Variants in TUBAL3 observed in about 807,000 individuals in gnomAD.
TUBAL3 encodes the protein tubulin alpha chain-like 3.
In TUBAL3, 16 loss-of-function variants were observed where a neutral mutation model predicts 15.5. The ratio of observed to expected loss-of-function variants is 1.04; its 90% confidence interval spans 0.70 to 1.57. TUBAL3 has a LOEUF of 1.57. Among genes scored for constraint, TUBAL3 ranks in the 40% most tolerant of loss-of-function variants. The probability of loss-of-function intolerance (pLI) is 0.00; values close to 1 mark genes in which losing one functional copy is unlikely to be tolerated. For missense variants in TUBAL3, 609 were observed against 576.2 expected (o/e 1.06, Z -0.58); for synonymous variants, 238 against 224.3 (o/e 1.06, Z -0.55).
At chr10:5,400,522 C>A (rs1201504065) in intron 2 of TUBAL3, among the ~76,000 whole-genome samples, 2 of 152,160 alleles carry the variant, frequency 1.3e-5, no homozygotes, top group African/African-American at 4.8e-5. Context: ...ATCCCAGCTA[C>A]TCAGAGGCTG....
intron 2 of TUBAL3, among the ~76,000 whole-genome samples, chr10:5,398,112 C>A (rs1831791211): frequency 1.3e-5 from 2 of 151,982 alleles, no homozygotes; most frequent in East Asian, 1.9e-4. Flanking sequence ...TATAGTGAGA[C>A]CCTATCTCTA....
chr10:5,398,432 A>C lies in TUBAL3; in HGVS notation c.247+2412T>G, dbSNP rs1275466702. Among the ~76,000 whole-genome samples, 23 of 150,126 alleles carry C rather than the reference A, an allele frequency of 1.5e-4. 1 individual carries two copies. The highest frequency in any genetic ancestry group is 1.3e-3 in the South Asian group (6 of 4,796). On this transcript the variant is annotated intron_variant, in intron 2 of 3. Transcript: ENST00000380419. ...CAAAACTCTGTCTCAAAAAAAAAAAAAAAAAAAAAAAAAAAACTTATCCAC... is the reference window on the plus strand; with the variant it reads ...CAAAACTCTGTCTCAAAAAAAAAAACAAAAAAAAAAAAAAAACTTATCCAC...
intron 2 of TUBAL3, among the ~76,000 whole-genome samples, chr10:5,399,125 C>T (rs1203705102): frequency 1.3e-5 from 2 of 152,064 alleles, no homozygotes; most frequent in African/African-American, 4.8e-5. Context: ...CCTTGACTTC[C>T]CCAAGATTTA....
At chr10:5,400,435 C>A (rs1831832520) in intron 2 of TUBAL3, among the ~76,000 whole-genome samples, 1 of 152,060 alleles carries the variant, frequency 6.6e-6, no homozygotes, top group Non-Finnish European at 1.5e-5. Flanking sequence ...AGTTCAAGAC[C>A]AGTCTGGCCA....
chr10:5,401,140 ATCTGTT>A, intron 1 of TUBAL3, 53 bp from the exon 2 acceptor site: 1 of 1,599,600 alleles, frequency 6.3e-7, no homozygotes. Flanking sequence ...AAAACAGGAG[ATCTGTT>A]ACTCAGCCCT....
At chr10:5,398,736 A>C (rs1554814385) in intron 2 of TUBAL3, among the ~76,000 whole-genome samples, 3 of 141,320 alleles carry the variant, frequency 2.1e-5, no homozygotes, top group Non-Finnish European at 4.6e-5. Flanking sequence ...AAACGTTCTT[A>C]AAACATTATG....
Position 5,393,651 on chromosome 10 carries a change from C to A in TUBAL3, c.1207G>T (p.Asp403Tyr). 6.2e-7 allele frequency: 1 copy of A among 1,614,210 alleles called. No individual in the cohort carries two copies. Among genetic ancestry groups the A allele is most frequent in the Non-Finnish European group, 8.5e-7 (1 of 1,180,044 alleles). Reference sequence around the variant, plus strand: ...AATGCTCTCTTGGCGTACATGAGGTCAAACTTGTGGTCCAGGCGGGCCCAG... The same window carrying A: ...AATGCTCTCTTGGCGTACATGAGGTAAAACTTGTGGTCCAGGCGGGCCCAG... ...EAWARLDHKF[D>Y]LMYAKRAFLH... The change falls in exon 4 of 4, where the codon GAC (aspartate) becomes TAC (tyrosine). Residue 403 changes from aspartate (D) to tyrosine (Y), a missense_variant. Asp to Tyr is a radical substitution (Grantham distance 160, BLOSUM62 -3). Coordinates refer to ENST00000380419, the MANE Select transcript of TUBAL3 (RefSeq NM_024803.3).
Position 5,396,011 on chromosome 10 carries a change from G to A in TUBAL3, c.248-536C>T, listed in dbSNP as rs782322208. Reference sequence around the variant, plus strand: ...AAGGACACAATTCTTTAGCATTAGGGCCCACCCTAATCCAGGAGGACCTCA... The same window carrying A: ...AAGGACACAATTCTTTAGCATTAGGACCCACCCTAATCCAGGAGGACCTCA... On this transcript the variant is annotated intron_variant, in intron 2 of 3. Coordinates refer to ENST00000380419, the MANE Select transcript of TUBAL3 (RefSeq NM_024803.3). The surrounding 1 kb of genome is among the most constrained non-coding windows in gnomAD (Gnocchi z 5.1). Among the ~76,000 whole-genome samples the A allele has an allele frequency of 1.0e-3, 157 of 152,186 alleles. 1 individual carries two copies. Among genetic ancestry groups the A allele is most frequent in the Middle Eastern group, 3.4e-3 (1 of 294 alleles).
chr10:5,404,539 A>C (rs1281574212), intron 1 of TUBAL3, among the ~76,000 whole-genome samples: 1 of 152,234 alleles, frequency 6.6e-6, no homozygotes, highest in Non-Finnish European at 1.5e-5. Context: ...TCAGTGCTTC[A>C]ATTAATGGCA....
At chr10:5,404,709 A>G in intron 1 of TUBAL3, 81 bp downstream of exon 1, 1 of 1,392,522 alleles carries the variant, frequency 7.2e-7, no homozygotes, top group Non-Finnish European at 1.0e-6. Context: ...CAATTTTATT[A>G]AGAATTGTTT....
At chr10:5,398,786 T>A (rs1371341298) in intron 2 of TUBAL3, among the ~76,000 whole-genome samples, 1 of 152,194 alleles carries the variant, frequency 6.6e-6, no homozygotes, top group African/African-American at 2.4e-5. Flanking sequence ...CATCAGCTGT[T>A]GTTAGTGTGA....
In TUBAL3 at chr10:5,395,386, C is replaced by T. The variant is rs1831747802; in HGVS notation, c.337G>A (p.Gly113Ser). ...ACCTCCGACCCCACAGAGTAACGGCCTCGCGCGTAATTGTTAGCAGCATCC... is the reference window on the plus strand; with the variant it reads ...ACCTCCGACCCCACAGAGTAACGGCTTCGCGCGTAATTGTTAGCAGCATCC... ...KEDAANNYAR[G>S]RYSVGSEVID... Residue 113 changes from glycine (G) to serine (S), a missense_variant, in exon 3 of 4, where the codon GGC becomes AGC. By Grantham distance (56) the Gly-to-Ser change is moderately conservative. Coordinates refer to ENST00000380419, the MANE Select transcript of TUBAL3 (RefSeq NM_024803.3). The surrounding 1 kb of genome is among the most constrained non-coding windows in gnomAD (Gnocchi z 4.6). 1 of 1,606,848 alleles carries T rather than the reference C, an allele frequency of 6.2e-7. No individual in the cohort carries two copies. Among genetic ancestry groups the T allele is most frequent in the Non-Finnish European group, 8.5e-7 (1 of 1,175,716 alleles).
Position 5,398,668 on chromosome 10 carries a change from C to A in TUBAL3, c.247+2176G>T, listed in dbSNP as rs1245182409. ...TATTCATTCCTTCTGCCTTGCAGAG[C>A]AAGCTTGTCCATCCCGCAGCCCAGG... On this transcript the variant is annotated intron_variant, in intron 2 of 3. Transcript: ENST00000380419. Among the ~76,000 whole-genome samples, 6 of 152,178 alleles carry A rather than the reference C, an allele frequency of 3.9e-5. No individual in the cohort carries two copies. The East Asian group carries it at 7.7e-4, about 20-fold the overall frequency.
At chr10:5,401,192 G>A (rs1164790334) in intron 1 of TUBAL3, 105 bp from the exon 2 acceptor site, 4 of 1,380,546 alleles carry the variant, frequency 2.9e-6, no homozygotes, top group Non-Finnish European at 4.0e-6. Flanking sequence ...GCTAGCTTAA[G>A]GCCACGGAGG....
chr10:5,396,847 C>T lies in TUBAL3; in HGVS notation c.248-1372G>A, dbSNP rs536904836. Among the ~76,000 whole-genome samples the T allele has an allele frequency of 1.2e-4, 18 of 152,198 alleles. No homozygotes were observed. Among genetic ancestry groups the T allele is most frequent in the Non-Finnish European group, 2.4e-4 (16 of 68,038 alleles). ...GGCTTTGGGACGGCTGCCCTGGTTA[C>T]TGTGGGATACTGCATTGCTTAGTAG... On this transcript the variant is annotated intron_variant, in intron 2 of 3. Coordinates refer to ENST00000380419, the MANE Select transcript of TUBAL3 (RefSeq NM_024803.3). This position sits in a 1 kb window ranked among gnomAD's most constrained non-coding sequence, Gnocchi z 5.1.
chr10:5,393,566 TCTTCC>T lies in TUBAL3; in HGVS notation c.1287_1291del (p.Glu430SerfsTer9). 4.3e-6 allele frequency: 7 copies of T among 1,614,012 alleles called. No individual in the cohort carries two copies. Among genetic ancestry groups the T allele is most frequent in the Non-Finnish European group, 5.9e-6 (7 of 1,179,942 alleles). On this transcript the variant is annotated frameshift_variant, in exon 4 of 4. Transcript: ENST00000380419. LOFTEE classifies it high-confidence loss of function. The stretch of plus-strand genomic sequence containing the variant: ...ATAGTCCCTCTCCAGGGCTGCCAGA[TCTTCC>T]CTGGCCTCCAAGAACTCTGCTTCTT...
chr10:5,403,002 G>A (rs1831879594), intron 1 of TUBAL3, among the ~76,000 whole-genome samples: 1 of 152,214 alleles, frequency 6.6e-6, no homozygotes. Flanking sequence ...CTTGGACTCT[G>A]TTCATGCTCA....
At position 5,401,045 on chromosome 10, in the gene TUBAL3, T is replaced by G. The variant is rs1554814609; in HGVS notation, c.46A>C (p.Ile16Leu). 1 of 1,614,124 alleles carries G rather than the reference T, an allele frequency of 6.2e-7. No individual in the cohort carries two copies. Among genetic ancestry groups the G allele is most frequent in the East Asian group, 2.2e-5 (1 of 44,876 alleles). The stretch of plus-strand genomic sequence containing the variant: ...TAGAGTTCCCAGCAGGCGTCCCCAA[T>G]CTGGATGCCAGCTTGACCGATGTGG... ...SIHIGQAGIQ[I>L]GDACWELYCL... Residue 16 changes from isoleucine to leucine, a missense_variant, in exon 2 of 4, where the codon ATT becomes CTT. Physicochemically the swap from Ile to Leu is conservative, Grantham distance 5 (BLOSUM62 2). Transcript: ENST00000380419.
rs183566702 is a variant in TUBAL3 at position 5,397,237 on chromosome 10, G to A, written c.248-1762C>T. Reference sequence around the variant, plus strand: ...TTTCAATTCACCGTGCCTTCCGTGCGTGACCATGAATTTCTAAACTCCAAT... The same window carrying A: ...TTTCAATTCACCGTGCCTTCCGTGCATGACCATGAATTTCTAAACTCCAAT... On this transcript the variant is annotated intron_variant, in intron 2 of 3. Transcript: ENST00000380419. The surrounding 1 kb of genome is among the most constrained non-coding windows in gnomAD (Gnocchi z 4.9). Among the ~76,000 whole-genome samples the A allele has an allele frequency of 1.2e-4, 18 of 152,234 alleles. No individual in the cohort carries two copies. The highest frequency in any genetic ancestry group is 2.4e-4 in the Non-Finnish European group (16 of 68,036).
Sources: gnomAD v4.1 joint callset for allele counts (sites outside exome capture counted in the v4.1 genomes callset) on GRCh38, gnomAD v4.1.1 for gene constraint, Gnocchi (gnomAD v3.1) non-coding constraint, MANE v1.5 for transcripts, NCBI Gene and HGNC (gene_info 2026-07-23, HGNC 2026-07-21) for gene names.